FLYWCH1: variants seen among roughly 807,000 people sequenced by gnomAD.
The protein encoded by FLYWCH1 is FLYWCH-type zinc finger 1.
In FLYWCH1, 75 loss-of-function variants were observed where a neutral mutation model predicts 66.4. That is an observed-to-expected ratio of 1.13 (90% CI 0.94 to 1.37). FLYWCH1 has a LOEUF of 1.37. Ranked by LOEUF, FLYWCH1 falls within the 40% of genes most tolerant of loss-of-function variation. FLYWCH1 has a pLI of 0.00. For missense variants in FLYWCH1, 1,334 were observed against 1,001.8 expected, an observed-to-expected ratio of 1.33 and a Z score of -4.48; for synonymous variants, 595 against 429.9, an observed-to-expected ratio of 1.38 and a Z score of -4.75.
rs1276724822 is a variant in FLYWCH1 at position 2,933,394 on chromosome 16, G to C, written c.1061G>C (p.Gly354Ala). ...AAGGCCGTGGAGACGCTGCAGGCTG[G>C]GCAGGACGGCCCTGGGAGCCAAGTG... The part of the protein sequence containing the change: ...QEKAVETLQA[G>A]QDGPGSQVDT... The change falls in exon 5 of 10, where the codon GGG (glycine) becomes GCG (alanine). Residue 354 changes from glycine (G) to alanine (A), a missense_variant. Physicochemically the swap from Gly to Ala is moderately conservative, Grantham distance 60. Coordinates refer to ENST00000253928, the MANE Select transcript of FLYWCH1 (RefSeq NM_001308068.2). The C allele has an allele frequency of 1.2e-6, 2 of 1,602,224 alleles. No individual in the cohort carries two copies.
chr16:2,937,235 A>G lies in FLYWCH1; in HGVS notation c.1628A>G (p.Gln543Arg). ...GEKVYWTCRD[Q>R]ARMGCRSRAI... ...AAGGTGTATTGGACCTGCCGGGACC[A>G]GGCCCGCATGGGCTGCCGCAGCCGC... The change falls in exon 7 of 10, where the codon CAG becomes CGG. Residue 543 changes from glutamine (Q) to arginine (R), a missense_variant. By Grantham distance (43) the Gln-to-Arg change is conservative. Transcript: ENST00000253928. 2 of 1,605,862 alleles carry G rather than the reference A, an allele frequency of 1.2e-6. No homozygotes were observed. The highest frequency in any genetic ancestry group is 1.7e-6 in the Non-Finnish European group (2 of 1,177,476).
At chr16:2,914,000 G>C (rs910254296) in intron 1 of FLYWCH1, among the ~76,000 whole-genome samples, 176 bp from the exon 2 acceptor site, 1 of 152,084 alleles carries the variant, frequency 6.6e-6, no homozygotes, top group East Asian at 1.9e-4. Flanking sequence ...GTGAGCCACC[G>C]TGCCACCGGC....
intron 9 of FLYWCH1, among the ~76,000 whole-genome samples, chr16:2,944,436 C>T (rs2071397295): frequency 6.6e-6 from 1 of 151,256 alleles, no homozygotes; most frequent in African/African-American, 2.4e-5. Context: ...ATGTATAGTA[C>T]CTAATATTTG....
rs139192232 is a variant in FLYWCH1, at chr16:2,948,539, G to T, written c.2112-149G>T. The T allele has an allele frequency of 6.3e-4, 498 of 786,396 alleles. 1 individual carries two copies. In the African/African-American group the frequency reaches 8.0e-3, roughly 13 times the overall value. 48.7% of individuals were successfully genotyped at this position (786,396 alleles called of 1,614,324 possible). On this transcript the variant is annotated intron_variant, in intron 9 of 9. Transcript: ENST00000253928. ...GATCGCACCACTGCACTCCAGCCTG[G>T]GTGACAGAGCAAGATTCCGTCTCAA... is the stretch of plus-strand genomic sequence containing the variant.
chr16:2,936,300 C>A (rs959124002), intron 6 of FLYWCH1: 2 of 425,206 alleles, frequency 4.7e-6, no homozygotes, highest in Non-Finnish European at 9.4e-6. Flanking sequence ...TCCCCACCTT[C>A]GTCCTGACCT....
chr16:2,947,170 T>C (rs2071519574), intron 9 of FLYWCH1, among the ~76,000 whole-genome samples: 1 of 152,190 alleles, frequency 6.6e-6, no homozygotes, highest in African/African-American at 2.4e-5. Flanking sequence ...TACTGACGCA[T>C]GCTACAATGA....
rs766427327 is a variant in FLYWCH1 at position 2,937,389 on chromosome 16, G to A, written c.1777+5G>A. 1.9e-5 allele frequency: 29 copies of A among 1,540,538 alleles called. No individual in the cohort carries two copies. The highest frequency in any genetic ancestry group is 1.7e-4 in the Admixed American group (9 of 52,670). On this transcript the variant is annotated splice_donor_5th_base_variant and intron_variant, in intron 7 of 9. Transcript: ENST00000253928. ...TGGCGCAGTGGGACAGCCCAGGTGC[G>A]TGTGGAGGGTGCTGGGCTGGGTCTG...
intron 2 of FLYWCH1, among the ~76,000 whole-genome samples, chr16:2,921,426 G>T (rs978983477): frequency 6.6e-6 from 1 of 152,016 alleles, no homozygotes; most frequent in African/African-American, 2.4e-5. Context: ...CGGGTGAGAA[G>T]AGCTTATAGA....
intron 9 of FLYWCH1, among the ~76,000 whole-genome samples, chr16:2,948,076 TC>T (rs1478097541): frequency 1.3e-5 from 2 of 151,886 alleles, no homozygotes; most frequent in Non-Finnish European, 2.9e-5. Flanking sequence ...ACTTTGTGTT[TC>T]TTGATGAAGA....
At chr16:2,926,498 C>T (rs945478801) in intron 2 of FLYWCH1, among the ~76,000 whole-genome samples, 3 of 152,174 alleles carry the variant, frequency 2.0e-5, no homozygotes, top group Non-Finnish European at 4.4e-5. Context: ...AGTCTGTAAT[C>T]GCTCGGTCAA....
chr16:2,950,904 C>T lies in FLYWCH1; in HGVS notation c.*2177C>T, dbSNP rs918905475. 2.0e-5 allele frequency: 3 copies of T among 152,268 alleles called. No individual in the cohort carries two copies. Among genetic ancestry groups the T allele is most frequent in the African/African-American group, 7.2e-5 (3 of 41,464 alleles). The allele number at this position is 152,268 out of a possible 1,614,324, so 9.4% of individuals were successfully genotyped here. ...GGTGGCCACTCAGCCATGACAAGGGCCTGACAGCCACTAAGTGAGCTTCAG... is the reference window on the plus strand; with the variant it reads ...GGTGGCCACTCAGCCATGACAAGGGTCTGACAGCCACTAAGTGAGCTTCAG... On this transcript the variant is annotated 3_prime_UTR_variant, in exon 10 of 10. Transcript: ENST00000253928.
At chr16:2,933,000 C>T in intron 4 of FLYWCH1, 130 bp from the exon 5 acceptor site, 1 of 803,258 alleles carries the variant, frequency 1.2e-6, no homozygotes, top group Non-Finnish European at 1.9e-6. Context: ...ACATATCTGG[C>T]TCAGGAAGCC....
rs2071619931 is a variant in FLYWCH1, at chr16:2,949,677, GA to G, written c.*951del. On this transcript the variant is annotated 3_prime_UTR_variant, in exon 10 of 10. Coordinates refer to ENST00000253928, the MANE Select transcript of FLYWCH1 (RefSeq NM_001308068.2). ...CACTCCCACCCTGTAATTGTGGGGG[GA>G]GTGCCAGCAACAGGCCTGTCCCCTG... The G allele has an allele frequency of 6.6e-6, 1 of 152,048 alleles. No homozygotes were observed. Among genetic ancestry groups the G allele is most frequent in the African/African-American group, 2.4e-5 (1 of 41,372 alleles). 9.4% of individuals were successfully genotyped at this position (152,048 alleles called of 1,614,324 possible). A position where few individuals can be genotyped will look rare whatever the true frequency, so the allele number is the denominator to read the frequency against.
intron 2 of FLYWCH1, among the ~76,000 whole-genome samples, chr16:2,925,186 C>T (rs1162865867): frequency 6.6e-6 from 1 of 152,208 alleles, no homozygotes; most frequent in African/African-American, 2.4e-5. Flanking sequence ...CTCGCCCTGG[C>T]TGGGAGGGAG....
chr16:2,940,636 A>G (rs939819474), intron 9 of FLYWCH1, among the ~76,000 whole-genome samples: 5 of 152,112 alleles, frequency 3.3e-5, no homozygotes, highest in African/African-American at 1.2e-4. Context: ...GGGTTTTATC[A>G]TGGTGGCCAG....
intron 7 of FLYWCH1, among the ~76,000 whole-genome samples, 186 bp downstream of exon 7, chr16:2,937,570 G>A (rs1452459565): frequency 1.3e-5 from 2 of 152,224 alleles, no homozygotes; most frequent in Non-Finnish European, 2.9e-5. Context: ...GGTCCTCTGG[G>A]TAGTGGGGAC....
rs754452987 is a variant in FLYWCH1, at chr16:2,949,064, G to A, written c.*337G>A. On this transcript the variant is annotated 3_prime_UTR_variant, in exon 10 of 10. Transcript: ENST00000253928. ...CAGCACCCCTGGGTTTGCAGAGCAC[G>A]CAGCCTTCCTAGGGCTTTCCACCTG... The A allele has an allele frequency of 4.2e-5, 16 of 380,294 alleles. No individual in the cohort carries two copies. The highest frequency in any genetic ancestry group is 8.2e-4 in the Middle Eastern group (1 of 1,224). The allele number at this position is 380,294 out of a possible 1,614,324, so 23.6% of individuals were successfully genotyped here.
chr16:2,917,646 G>T (rs758035277), intron 2 of FLYWCH1, among the ~76,000 whole-genome samples: 4 of 152,142 alleles, frequency 2.6e-5, no homozygotes, highest in Admixed American at 1.3e-4. Context: ...AACCTCAGGT[G>T]TTGCTTAGGT....
chr16:2,923,042 T>TTG (rs562333947), intron 2 of FLYWCH1: 7 of 436,950 alleles, frequency 1.6e-5, no homozygotes, highest in East Asian at 5.8e-5. Context: ...GGATCTTTTT[T>TTG]TGTGTGTGTG....
Sources: allele counts gnomAD v4.1 joint callset (sites outside exome capture counted in the v4.1 genomes callset), GRCh38; gene constraint gnomAD v4.1.1; transcripts MANE v1.5; gene names NCBI Gene and HGNC (gene_info 2026-07-23, HGNC 2026-07-21).